Variants in AQP9 observed in about 807,000 individuals in gnomAD.
The protein encoded by AQP9 is aquaporin 9.
In AQP9, 19 loss-of-function variants were observed where a neutral mutation model predicts 23.8. The ratio of observed to expected loss-of-function variants is 0.80; its 90% CI spans 0.56 to 1.17. The LOEUF is 1.17. Among genes scored for constraint, AQP9 ranks in the 50% most tolerant of loss-of-function variants. The pLI is 0.00. For synonymous variants in AQP9, 153 were observed against 131.5 expected (o/e 1.16, Z -1.12); for missense variants, 413 against 362.0 (o/e 1.14, Z -1.14).
At chr15:58,149,766 T>C (rs1452916294) in intron 1 of AQP9, among the ~76,000 whole-genome samples, 2 of 152,174 alleles carry the variant, frequency 1.3e-5, no homozygotes, top group Non-Finnish European at 2.9e-5. Context: ...TGCTGACAGA[T>C]TGCCATGGAT....
intron 1 of AQP9, among the ~76,000 whole-genome samples, chr15:58,163,429 T>C (rs1157190407): frequency 1.4e-5 from 1 of 73,480 alleles, no homozygotes; most frequent in Non-Finnish European, 3.0e-5. Context: ...TTACAGACCA[T>C]GATACATTAA....
At chr15:58,143,496 C>T (rs1283061219) in intron 1 of AQP9, among the ~76,000 whole-genome samples, 2 of 152,180 alleles carry the variant, frequency 1.3e-5, no homozygotes, top group African/African-American at 4.8e-5. Context: ...TGACCACAAG[C>T]AAGTGTGTGG....
At chr15:58,142,871 C>A (rs1177246651) in intron 1 of AQP9, among the ~76,000 whole-genome samples, 1 of 152,160 alleles carries the variant, frequency 6.6e-6, no homozygotes, top group African/African-American at 2.4e-5. Context: ...CTAGAGCTGT[C>A]AGTTGGCCAA....
At chr15:58,142,049 G>T (rs1207117549) in intron 1 of AQP9, among the ~76,000 whole-genome samples, 2 of 152,178 alleles carry the variant, frequency 1.3e-5, no homozygotes, top group Non-Finnish European at 2.9e-5. Context: ...TTTTATTGGT[G>T]GAGAAGCTGA....
In AQP9 at chr15:58,138,652, G is replaced by C. The variant is rs772510173; in HGVS notation, c.87G>C (p.Glu29Asp). 6.2e-7 allele frequency: 1 copy of C among 1,613,768 alleles called. No individual in the cohort carries two copies. Among genetic ancestry groups the C allele is most frequent in the Non-Finnish European group, 8.5e-7 (1 of 1,179,716 alleles). Residue 29 changes from glutamate (E) to aspartate (D), a missense_variant, in exon 1 of 6, where the codon GAG (glutamate) becomes GAC (aspartate). By Grantham distance (45) the Glu-to-Asp change is conservative. Coordinates refer to ENST00000219919, the MANE Select transcript of AQP9 (RefSeq NM_020980.5). ...GCTTAGCGAAAGAAACCCTCTCTGA[G>C]TTCTTGGGCACGTTCATCTTGATTG... Reference protein sequence around the residue: ...KSSLAKETLSEFLGTFILIVL... With the variant: ...KSSLAKETLSDFLGTFILIVL...
intron 5 of AQP9, 22 bp from the exon 6 acceptor site, chr15:58,183,939 C>T: frequency 6.2e-7 from 1 of 1,612,470 alleles, no homozygotes; most frequent in Admixed American, 1.7e-5. Context: ...AAATGTATCA[C>T]TAATTTCTTG....
rs1898715034 is a variant in AQP9 at position 58,175,047 on chromosome 15, A to G, written c.495+11A>G. The G allele has an allele frequency of 6.3e-7, 1 of 1,598,324 alleles. No individual in the cohort carries two copies. On this transcript the variant is annotated intron_variant, in intron 4 of 5. Coordinates refer to ENST00000219919, the MANE Select transcript of AQP9 (RefSeq NM_020980.5). The stretch of plus-strand genomic sequence containing the variant: ...GCATTTGCAGATCAAGTAAGTGTAG[A>G]TTCAACAAAGACTTAACTTTGGTGA...
intron 1 of AQP9, among the ~76,000 whole-genome samples, chr15:58,161,950 A>T (rs60540003): frequency 0.025 from 3,825 of 152,256 alleles, 169 homozygotes; most frequent in African/African-American, 0.085. Context: ...ATTCAATTAC[A>T]TCCAATATAC....
At chr15:58,178,218 C>G (rs1409040965) in intron 4 of AQP9, among the ~76,000 whole-genome samples, 1 of 152,110 alleles carries the variant, frequency 6.6e-6, no homozygotes, top group African/African-American at 2.4e-5. Context: ...CAAGGGACAG[C>G]TGTATAAAAC....
chr15:58,145,169 A>G (rs140851229), intron 1 of AQP9, among the ~76,000 whole-genome samples: 9 of 151,926 alleles, frequency 5.9e-5, no homozygotes, highest in African/African-American at 1.7e-4. Context: ...AGCTTTCTTT[A>G]TTCTTGCCTT....
intron 2 of AQP9, among the ~76,000 whole-genome samples, chr15:58,171,212 C>T (rs983964039): frequency 7.2e-5 from 11 of 151,852 alleles, no homozygotes; most frequent in African/African-American, 1.7e-4. Flanking sequence ...CTCAGCCTCC[C>T]GAGTAGCTGG....
At chr15:58,160,969 CAGA>C (rs1344091238) in intron 1 of AQP9, among the ~76,000 whole-genome samples, 18 of 152,266 alleles carry the variant, frequency 1.2e-4, no homozygotes, top group African/African-American at 4.1e-4. Flanking sequence ...ATGGCTGATG[CAGA>C]AGATCTGTGC....
At chr15:58,166,501 G>A in intron 1 of AQP9, 172 bp from the exon 2 acceptor site, 1 of 733,934 alleles carries the variant, frequency 1.4e-6, no homozygotes, top group South Asian at 3.2e-5. Flanking sequence ...ATGCAGCCTT[G>A]GGTCCACCAT....
intron 5 of AQP9, among the ~76,000 whole-genome samples, chr15:58,180,153 A>C (rs887485134): frequency 1.3e-5 from 2 of 152,194 alleles, no homozygotes; most frequent in Non-Finnish European, 2.9e-5. Context: ...GCATGCAGTC[A>C]CAGAGGCGCA....
At chr15:58,140,886 A>G (rs1206367364) in intron 1 of AQP9, among the ~76,000 whole-genome samples, 2 of 152,156 alleles carry the variant, frequency 1.3e-5, no homozygotes, top group Non-Finnish European at 2.9e-5. Flanking sequence ...CGGGTCCCCA[A>G]CACATGGGCC....
chr15:58,152,159 T>C (rs1431977410), intron 1 of AQP9: 1 of 152,176 alleles, frequency 6.6e-6, no homozygotes, highest in Non-Finnish European at 1.5e-5. Context: ...AGCCGAATTA[T>C]ATTACTTATC....
intron 2 of AQP9, among the ~76,000 whole-genome samples, chr15:58,167,381 G>A (rs1311838637): frequency 1.3e-5 from 2 of 152,236 alleles, no homozygotes; most frequent in Admixed American, 1.3e-4. Flanking sequence ...CTGTGGAAAT[G>A]ATCTGGTTAC....
At chr15:58,167,324 G>A (rs1312712554) in intron 2 of AQP9, among the ~76,000 whole-genome samples, 8 of 152,192 alleles carry the variant, frequency 5.3e-5, no homozygotes, top group African/African-American at 1.7e-4. Context: ...GTTCTCAAAA[G>A]CAAAATGAAA....
chr15:58,139,442 G>A (rs1186167298), intron 1 of AQP9, among the ~76,000 whole-genome samples: 1 of 152,174 alleles, frequency 6.6e-6, no homozygotes, highest in Non-Finnish European at 1.5e-5. Context: ...GCACGTTCTA[G>A]CATTCTCTGT....
Sources: allele counts gnomAD v4.1 joint callset (sites outside exome capture counted in the v4.1 genomes callset), GRCh38; gene constraint gnomAD v4.1.1; transcripts MANE v1.5; gene names NCBI Gene and HGNC (gene_info 2026-07-23, HGNC 2026-07-21).